Variants in CHD7 observed in about 807,000 individuals in gnomAD.
The protein encoded by CHD7 is ATP-dependent chromatin remodeler CHD7.
CHD7 carries 24 observed loss-of-function variants against 307.3 expected under a neutral mutation model. The observed-to-expected ratio is 0.08, with a 90% confidence interval of 0.06 to 0.11. CHD7 has a LOEUF of 0.11. Among genes scored for constraint, CHD7 ranks in the 10% least tolerant of loss-of-function variants. The pLI, the probability that CHD7 is intolerant of heterozygous loss-of-function variation, is 1.00. For synonymous variants in CHD7, 1,363 were observed against 1,349.9 expected (o/e 1.01, Z -0.21); for missense variants, 3,106 against 3,727.1 (o/e 0.83, Z 4.34).
chr8:60,860,681 C>T (rs897761269), intron 34 of CHD7, among the ~76,000 whole-genome samples: 1 of 152,180 alleles, frequency 6.6e-6, no homozygotes, highest in African/African-American at 2.4e-5. Flanking sequence ...GTGATCCGCC[C>T]ACCTCGGCCT....
rs2150750732 is a variant in CHD7 at position 60,822,808 on chromosome 8, A to T, written c.3201+62A>T. On this transcript the variant is annotated intron_variant, in intron 12 of 37. Transcript: ENST00000423902. The stretch of plus-strand genomic sequence containing the variant: ...TGTGCATTTTAAGGTGTTAAAAAAA[A>T]ATCAAAGTCTTGGTGACTTGGGAAG... 4 of 1,419,564 alleles carry T rather than the reference A, an allele frequency of 2.8e-6. No homozygotes were observed. In the South Asian group the frequency reaches 7.5e-5, roughly 27 times the overall value. 87.9% of individuals were successfully genotyped at this position (1,419,564 alleles called of 1,614,324 possible). A position where few individuals can be genotyped will look rare whatever the true frequency, so the allele number is the denominator to read the frequency against.
Position 60,741,393 on chromosome 8 carries a change from T to G in CHD7, c.-40T>G. The G allele has an allele frequency of 6.8e-7, 1 of 1,470,250 alleles. No homozygotes were observed. The highest frequency in any genetic ancestry group is 9.3e-7 in the Non-Finnish European group (1 of 1,074,106). The allele number at this position is 1,470,250 out of a possible 1,614,324, so 91.1% of individuals were successfully genotyped here. A position where few individuals can be genotyped will look rare whatever the true frequency, so the allele number is the denominator to read the frequency against. ...TCAGTGAAGTGAAGCACAGGCAAGC[T>G]CCTGAGCTGTGGTTTGGAGGAGCCG... On this transcript the variant is annotated 5_prime_UTR_variant, in exon 2 of 38. Transcript: ENST00000423902.
chr8:60,765,621 A>G (rs1490324630), intron 2 of CHD7, among the ~76,000 whole-genome samples: 1 of 152,228 alleles, frequency 6.6e-6, no homozygotes, highest in Non-Finnish European at 1.5e-5. Context: ...ATTGGGAAAG[A>G]GCAAAGTGCC....
At chr8:60,735,090 TG>T (rs1808634049) in intron 1 of CHD7, among the ~76,000 whole-genome samples, 1 of 152,180 alleles carries the variant, frequency 6.6e-6, no homozygotes, top group Non-Finnish European at 1.5e-5. Context: ...TGGGATGTAC[TG>T]GGGCGTTTAT....
rs1198746460 is a variant in CHD7, at chr8:60,866,447, ACT to A, written c.*517_*518del. 6.6e-6 allele frequency: 1 copy of A among 152,636 alleles called. No homozygotes were observed. The highest frequency in any genetic ancestry group is 1.9e-4 in the East Asian group (1 of 5,196). The allele number at this position is 152,636 out of a possible 1,614,324, so 9.5% of individuals were successfully genotyped here. A position where few individuals can be genotyped will look rare whatever the true frequency, so the allele number is the denominator to read the frequency against. ...CTCGTGCATACACACACATCCATAC[ACT>A]CTGACAATCTCCACGCTAGTGTGAA... On this transcript the variant is annotated 3_prime_UTR_variant, in exon 38 of 38. Coordinates refer to ENST00000423902, the MANE Select transcript of CHD7 (RefSeq NM_017780.4).
At chr8:60,713,414 A>T (rs961357016) in intron 1 of CHD7, among the ~76,000 whole-genome samples, 2 of 150,818 alleles carry the variant, frequency 1.3e-5, no homozygotes, top group African/African-American at 2.4e-5. Flanking sequence ...CCGGCCAGAA[A>T]TTTTTTTTTT....
rs147564488 is a variant in CHD7 at position 60,792,581 on chromosome 8, G to C, written c.2097-2405G>C. Among the ~76,000 whole-genome samples, 49 of 152,328 alleles carry C rather than the reference G, an allele frequency of 3.2e-4. No homozygotes were observed. In the East Asian group the frequency reaches 8.1e-3, roughly 25 times the overall value. ...TTGTCTAAACATTTGGAGAGGGACT[G>C]TCTGACTTTCAGCTATCTTGGAGGT... On this transcript the variant is annotated intron_variant, in intron 3 of 37. Coordinates refer to ENST00000423902, the MANE Select transcript of CHD7 (RefSeq NM_017780.4).
chr8:60,852,841 TCTC>T lies in CHD7; in HGVS notation c.6121_6123del (p.Ser2041del). The T allele has an allele frequency of 6.2e-7, 1 of 1,612,012 alleles. No homozygotes were observed. Among genetic ancestry groups the T allele is most frequent in the Non-Finnish European group, 8.5e-7 (1 of 1,178,366 alleles). ...TTCTGTGTTACAGAACCGCCCGACC[TCTC>T]CTCCATAATTGAGCCGATCACAGAG... On this transcript the variant is annotated inframe_deletion, in exon 31 of 38. Transcript: ENST00000423902.
chr8:60,726,138 A>G (rs758043880), intron 1 of CHD7, among the ~76,000 whole-genome samples: 1 of 152,222 alleles, frequency 6.6e-6, no homozygotes, highest in Non-Finnish European at 1.5e-5. Context: ...TACATAACAT[A>G]TATGTATTCG....
At chr8:60,697,020 A>G (rs1317192815) in intron 1 of CHD7, among the ~76,000 whole-genome samples, 3 of 152,194 alleles carry the variant, frequency 2.0e-5, no homozygotes, top group East Asian at 1.9e-4. Flanking sequence ...TGAGATCTGA[A>G]TTTGATTAAT....
intron 1 of CHD7, among the ~76,000 whole-genome samples, chr8:60,725,599 G>A (rs1033472019): frequency 1.1e-4 from 17 of 152,186 alleles, no homozygotes; most frequent in African/African-American, 3.6e-4. Context: ...TTGGGAAATG[G>A]AAAGAATATA....
chr8:60,708,185 T>G (rs1253417156), intron 1 of CHD7, among the ~76,000 whole-genome samples: 2 of 152,206 alleles, frequency 1.3e-5, no homozygotes, highest in East Asian at 1.9e-4. Context: ...AATCTGGGAT[T>G]ATTTTTACAC....
chr8:60,696,471 T>G (rs1257204741), intron 1 of CHD7, among the ~76,000 whole-genome samples: 1 of 152,208 alleles, frequency 6.6e-6, no homozygotes, highest in Non-Finnish European at 1.5e-5. Flanking sequence ...AAGACGCAGT[T>G]TCTTCAGCTG....
At chr8:60,685,532 C>G (rs1227957267) in intron 1 of CHD7, among the ~76,000 whole-genome samples, 2 of 152,070 alleles carry the variant, frequency 1.3e-5, no homozygotes, top group Non-Finnish European at 2.9e-5. Context: ...GGCAGGTCCC[C>G]CATGTTCTCG....
At chr8:60,701,493 A>T (rs540306063) in intron 1 of CHD7, among the ~76,000 whole-genome samples, 5 of 152,322 alleles carry the variant, frequency 3.3e-5, no homozygotes, top group African/African-American at 7.2e-5. Flanking sequence ...TGGAAAGGGG[A>T]TTCCTTACCT....
intron 3 of CHD7, among the ~76,000 whole-genome samples, chr8:60,783,570 T>C (rs2150674921): frequency 6.6e-6 from 1 of 152,302 alleles, no homozygotes; most frequent in Middle Eastern, 3.4e-3. Context: ...AAAGGGTGTA[T>C]TTTCTCTGAA....
intron 1 of CHD7, among the ~76,000 whole-genome samples, chr8:60,740,571 T>A (rs1420730870): frequency 3.9e-5 from 6 of 152,240 alleles, no homozygotes; most frequent in African/African-American, 1.4e-4. Flanking sequence ...TTTCTGAATC[T>A]TGTATATTTC....
At chr8:60,770,750 T>C (rs1810670732) in intron 2 of CHD7, among the ~76,000 whole-genome samples, 1 of 152,180 alleles carries the variant, frequency 6.6e-6, no homozygotes, top group African/African-American at 2.4e-5. Flanking sequence ...AAAATGCTCT[T>C]TTGCTTATCG....
At chr8:60,846,846 C>G (rs1163555086) in intron 23 of CHD7, among the ~76,000 whole-genome samples, 1 of 152,208 alleles carries the variant, frequency 6.6e-6, no homozygotes, top group Non-Finnish European at 1.5e-5. Flanking sequence ...GGGGGCAGAA[C>G]CAGGTTTGAA....
Sources: gnomAD v4.1 joint callset for allele counts (sites outside exome capture counted in the v4.1 genomes callset) on GRCh38, gnomAD v4.1.1 for gene constraint, MANE v1.5 for transcripts, NCBI Gene and HGNC (gene_info 2026-07-23, HGNC 2026-07-21) for gene names.